The following DNAH2 variants were observed in gnomAD, a reference collection of about 807,000 sequenced individuals.
DNAH2 encodes axonemal beta dynein heavy chain 2.
DNAH2 carries 323 observed loss-of-function variants against 523.5 expected under a neutral mutation model. The observed-to-expected ratio is 0.62, with a 90% CI of 0.56 to 0.68. The LOEUF (loss-of-function observed/expected upper bound fraction) is 0.68. DNAH2 is among the 30% of genes least tolerant of loss of function. The pLI is 0.00. For synonymous variants in DNAH2, 2,093 were observed against 2,177.4 expected (o/e 0.96, Z 1.08); for missense variants, 4,907 against 5,701.5 (o/e 0.86, Z 4.49).
At chr17:7,730,656 A>T (rs1340672292) in intron 4 of DNAH2, among the ~76,000 whole-genome samples, 2 of 152,172 alleles carry the variant, frequency 1.3e-5, no homozygotes, top group Non-Finnish European at 2.9e-5. Context: ...AAATTAAGAG[A>T]CATATTGGGA....
Position 7,734,644 on chromosome 17 carries a change from C to G in DNAH2, c.914C>G (p.Ser305Cys), listed in dbSNP as rs376197339. ...LVKKGVKHVE[S>C]ILHLAKSSYL... is the part of the protein sequence containing the mutation. ...AAGAAGGGAGTGAAGCACGTTGAAT[C>G]CATCCTGCACCTTGCCAAGTCGTCC... Residue 305 changes from serine (S) to cysteine (C), a missense_variant, in exon 7 of 86, where the codon TCC becomes TGC. This residue lies in a region of DNAH2 where 2,806 missense variants were observed against 3,190.8 expected (regional missense o/e 0.88). Transcript: ENST00000572933. The G allele has an allele frequency of 1.2e-6, 2 of 1,613,178 alleles. No homozygotes were observed. Among genetic ancestry groups the G allele is most frequent in the South Asian group, 1.1e-5 (1 of 90,918 alleles).
At chr17:7,796,700 G>A (rs756973450) in intron 50 of DNAH2, 48 bp downstream of exon 50, 23 of 1,571,690 alleles carry the variant, frequency 1.5e-5, no homozygotes, top group East Asian at 9.0e-5. Flanking sequence ...CAGCCTCCGC[G>A]GAGGCTTTCT....
Position 7,797,388 on chromosome 17 carries a change from C to T in DNAH2, c.7950-12C>T. 1.9e-6 allele frequency: 3 copies of T among 1,614,130 alleles called. No individual in the cohort carries two copies. The highest frequency in any genetic ancestry group is 2.5e-6 in the Non-Finnish European group (3 of 1,180,026). ...TTTATTCCCCGATCTCACCCCAGTT[C>T]CCTGCCCACAGAGTCTTCTCTGACC... On this transcript the variant is annotated splice_polypyrimidine_tract_variant and intron_variant, in intron 51 of 85. Coordinates refer to ENST00000572933, the MANE Select transcript of DNAH2 (RefSeq NM_020877.5).
At chr17:7,758,743 G>C in intron 14 of DNAH2, 92 bp downstream of exon 14, 2 of 1,559,806 alleles carry the variant, frequency 1.3e-6, no homozygotes, top group Non-Finnish European at 8.7e-7. Context: ...CCTGGGGGTA[G>C]TGTAAAAAGA....
rs1327059036 is a variant in DNAH2, at chr17:7,760,004, G to T, written c.2785+66G>T. On this transcript the variant is annotated intron_variant, in intron 17 of 85. Transcript: ENST00000572933. This position sits in a 1 kb window ranked among gnomAD's most constrained non-coding sequence, Gnocchi z 4.0. Reference sequence around the variant, plus strand: ...GAGGCTGTCGAGTGGGCCAGGCCAGGAGGAGAGACCAGGGCTATTTCCAGG... The same window carrying T: ...GAGGCTGTCGAGTGGGCCAGGCCAGTAGGAGAGACCAGGGCTATTTCCAGG... The T allele has an allele frequency of 5.0e-6, 8 of 1,608,882 alleles. No individual in the cohort carries two copies. The highest frequency in any genetic ancestry group is 6.8e-6 in the Non-Finnish European group (8 of 1,176,208).
Position 7,798,563 on chromosome 17 carries a change from A to G in DNAH2, c.8404A>G (p.Lys2802Glu), listed in dbSNP as rs780160741. Residue 2802 changes from lysine (K) to glutamate (E), a missense_variant, in exon 55 of 86, where the codon AAG (lysine) becomes GAG (glutamate). Coordinates refer to ENST00000572933, the MANE Select transcript of DNAH2 (RefSeq NM_020877.5). The surrounding 1 kb of genome is among the most constrained non-coding windows in gnomAD (Gnocchi z 5.5). ...TCCTTCCCTCCCCCGGCCAGATATC[A>G]AGCGTCTGTATCGCCAGGCTGGGGT... is the stretch of plus-strand genomic sequence containing the variant. Reference protein sequence around the residue: ...YRKQEFRDDIKRLYRQAGVEL... With the variant: ...YRKQEFRDDIERLYRQAGVEL... 1.2e-6 allele frequency: 2 copies of G among 1,613,972 alleles called. No homozygotes were observed. Among genetic ancestry groups the G allele is most frequent in the South Asian group, 2.2e-5 (2 of 91,072 alleles).
chr17:7,819,784 G>T (rs2151328738), intron 72 of DNAH2, among the ~76,000 whole-genome samples: 1 of 152,262 alleles, frequency 6.6e-6, no homozygotes, highest in South Asian at 2.1e-4. Context: ...ACTGCTCCTG[G>T]TCTGTGGATC....
intron 58 of DNAH2, 143 bp from the exon 59 acceptor site, chr17:7,804,113 A>G (rs1269338341): frequency 2.5e-6 from 2 of 796,058 alleles, no homozygotes; most frequent in Non-Finnish European, 4.0e-6. Context: ...AAGTGATAGA[A>G]TCCCGACCAG....
chr17:7,785,319 T>G (rs1302742469), intron 39 of DNAH2, among the ~76,000 whole-genome samples: 1 of 152,132 alleles, frequency 6.6e-6, no homozygotes, highest in Admixed American at 6.6e-5. Context: ...GCCAGGCTGG[T>G]CTCGAACTCC....
intron 12 of DNAH2, among the ~76,000 whole-genome samples, chr17:7,747,369 T>G (rs560491924): frequency 6.6e-6 from 1 of 152,280 alleles, no homozygotes; most frequent in East Asian, 1.9e-4. Flanking sequence ...CAGTATGAAA[T>G]CATAGTATGG....
At chr17:7,751,920 G>GGGGTGTGTGTGTGT (rs111751776) in intron 12 of DNAH2, among the ~76,000 whole-genome samples, 10 of 145,992 alleles carry the variant, frequency 6.8e-5, no homozygotes, top group Admixed American at 2.1e-4. Flanking sequence ...ATAGTTGTGG[G>GGGGTGTGTGTGTGT]GTGTGTGTGT....
At chr17:7,793,238 C>T in intron 48 of DNAH2, 33 bp downstream of exon 48, 1 of 1,598,874 alleles carries the variant, frequency 6.3e-7, no homozygotes, top group Non-Finnish European at 8.5e-7. Context: ...CTTCAGGCCT[C>T]TGCTCCTTCT....
chr17:7,753,318 G>C (rs2075742183), intron 12 of DNAH2, among the ~76,000 whole-genome samples: 1 of 152,150 alleles, frequency 6.6e-6, no homozygotes, highest in Non-Finnish European at 1.5e-5. Context: ...GAGCTATCTA[G>C]TAGACAGTTG....
intron 2 of DNAH2, among the ~76,000 whole-genome samples, chr17:7,721,494 C>T (rs898503938): frequency 6.6e-6 from 1 of 152,084 alleles, no homozygotes; most frequent in Non-Finnish European, 1.5e-5. Flanking sequence ...TAGTTCTTGC[C>T]TGGAACCTGA....
At chr17:7,817,881 GC>G (rs148024366) in intron 67 of DNAH2, 25 bp downstream of exon 67, 231,239 of 1,612,580 alleles carry the variant, frequency 0.14, 18,693 homozygotes, top group East Asian at 0.34. Context: ...GGTCAGGTTA[GC>G]CCCCCCCTTC....
chr17:7,806,607 C>T (rs1011201108), intron 61 of DNAH2, among the ~76,000 whole-genome samples: 4 of 145,886 alleles, frequency 2.7e-5, no homozygotes, highest in Admixed American at 7.1e-5. Context: ...TGCAGTGAGC[C>T]GAGATTGCAC....
In DNAH2 at chr17:7,760,164, T is replaced by C. The variant is rs997203845; in HGVS notation, c.2785+226T>C. ...AGGCAGGTCATTTGAGGTCAGGAGT[T>C]CGAGACTAGCCTGGCCAACATGGCA... On this transcript the variant is annotated intron_variant, in intron 17 of 85. Transcript: ENST00000572933. This position sits in a 1 kb window ranked among gnomAD's most constrained non-coding sequence, Gnocchi z 4.0. Among the ~76,000 whole-genome samples, 5 of 152,084 alleles carry C rather than the reference T, an allele frequency of 3.3e-5. No homozygotes were observed. The highest frequency in any genetic ancestry group is 1.2e-4 in the African/African-American group (5 of 41,398).
At chr17:7,745,081 G>A (rs533476138) in intron 12 of DNAH2, among the ~76,000 whole-genome samples, 16 of 151,286 alleles carry the variant, frequency 1.1e-4, no homozygotes, top group Non-Finnish European at 1.5e-4. Context: ...TGCAACCTCC[G>A]CCTCCTGAGT....
At chr17:7,738,897 C>T in intron 8 of DNAH2, 1 of 698,580 alleles carries the variant, frequency 1.4e-6, no homozygotes, top group South Asian at 1.5e-5. Context: ...CTCTTGCCTT[C>T]CAATTCAGTC....
Sources: allele counts gnomAD v4.1 joint callset (sites outside exome capture counted in the v4.1 genomes callset), GRCh38; gene constraint gnomAD v4.1.1; regional missense constraint gnomAD v4.1.1; non-coding constraint Gnocchi (gnomAD v3.1); transcripts MANE v1.5; gene names NCBI Gene and HGNC (gene_info 2026-07-23, HGNC 2026-07-21).